MCF2L: variants seen among roughly 807,000 people sequenced by gnomAD.
MCF2L encodes the protein MCF.2 cell line derived transforming sequence like.
In MCF2L, 97 loss-of-function variants were observed where a neutral mutation model predicts 153.4. The observed-to-expected ratio is 0.63, with a 90% CI of 0.54 to 0.75. The LOEUF (loss-of-function observed/expected upper bound fraction) is 0.75. Among genes scored for constraint, MCF2L ranks in the 30% least tolerant of loss-of-function variants. The probability of loss-of-function intolerance (pLI) is 0.00; values close to 1 mark genes in which losing one functional copy is unlikely to be tolerated. For missense variants in MCF2L, 1,347 were observed against 1,495.2 expected (o/e 0.90, Z 1.64); for synonymous variants, 659 against 632.2 (o/e 1.04, Z -0.64).
At chr13:112,972,108 C>T (rs1054759810) in intron 1 of MCF2L, among the ~76,000 whole-genome samples, 2 of 152,236 alleles carry the variant, frequency 1.3e-5, no homozygotes, top group African/African-American at 4.8e-5. Context: ...TGGGGAACTA[C>T]TGTGGTAGAA....
intron 2 of MCF2L, among the ~76,000 whole-genome samples, chr13:112,937,984 GA>G (rs369137492): frequency 1.1e-4 from 1 of 9,170 alleles, no homozygotes; most frequent in Non-Finnish European, 2.4e-4. Context: ...TGGTTCAGGT[GA>G]GCGCTAATTG....
intron 1 of MCF2L, among the ~76,000 whole-genome samples, chr13:112,897,649 A>G (rs1252201427): frequency 6.6e-6 from 1 of 152,248 alleles, no homozygotes; most frequent in Non-Finnish European, 1.5e-5. Flanking sequence ...TCTAGTGAGA[A>G]AGTGATGCTG....
At chr13:113,069,933 G>C in intron 8 of MCF2L, 126 bp from the exon 9 acceptor site, 1 of 592,138 alleles carries the variant, frequency 1.7e-6, no homozygotes, top group South Asian at 1.9e-5. Context: ...GGGAGTGAGC[G>C]GAGGCCAGGA....
At chr13:113,051,836 C>G (rs1367037553) in intron 4 of MCF2L, among the ~76,000 whole-genome samples, 1 of 152,106 alleles carries the variant, frequency 6.6e-6, no homozygotes, top group Non-Finnish European at 1.5e-5. Context: ...GGGCTGCCCC[C>G]GCTGCTTACA....
At chr13:113,006,790 G>A (rs1454059393) in intron 1 of MCF2L, among the ~76,000 whole-genome samples, 2 of 152,344 alleles carry the variant, frequency 1.3e-5, no homozygotes, top group Admixed American at 6.5e-5. Context: ...AGAACGCCCC[G>A]AGCATCTGGC....
intron 1 of MCF2L, among the ~76,000 whole-genome samples, chr13:112,898,926 C>T (rs2081093843): frequency 6.6e-6 from 1 of 152,224 alleles, no homozygotes; most frequent in South Asian, 2.1e-4. Context: ...CACCACCACC[C>T]CATCCCACCA....
chr13:113,062,597 C>T (rs900881453), intron 5 of MCF2L, among the ~76,000 whole-genome samples: 3 of 152,026 alleles, frequency 2.0e-5, no homozygotes, highest in Non-Finnish European at 2.9e-5. Context: ...CAGAAATCAC[C>T]GGCATCTTCA....
At position 113,076,170 on chromosome 13, in the gene MCF2L, C is replaced by T. The variant is rs768808119; in HGVS notation, c.1500+13C>T. The T allele has an allele frequency of 6.2e-6, 10 of 1,600,452 alleles. No individual in the cohort carries two copies. Among genetic ancestry groups the T allele is most frequent in the East Asian group, 4.5e-5 (2 of 44,482 alleles). ...CCAAGATCTCATGGTAACGCTGACT[C>T]GGGCTCTCCATTTGCAGCTTGCTGT... is the stretch of plus-strand genomic sequence containing the variant. On this transcript the variant is annotated intron_variant, in intron 12 of 29. Coordinates refer to ENST00000535094, the MANE Select transcript of MCF2L (RefSeq NM_001112732.3).
In MCF2L at chr13:113,044,831, C is replaced by T. The variant is rs370834916; in HGVS notation, c.279-440C>T. On this transcript the variant is annotated intron_variant, in intron 3 of 29. Coordinates refer to ENST00000535094, the MANE Select transcript of MCF2L (RefSeq NM_001112732.3). ...TCCCAGCACCGTAGCCATGCCACCA[C>T]GAGTGAATCCTTAACGTGGACCAGC... 1.6e-5 allele frequency: 25 copies of T among 1,612,802 alleles called. No homozygotes were observed. The South Asian group carries it at 2.2e-4, about 14-fold the overall frequency.
chr13:112,985,971 A>C (rs2082622267), intron 1 of MCF2L, among the ~76,000 whole-genome samples: 1 of 152,200 alleles, frequency 6.6e-6, no homozygotes, highest in African/African-American at 2.4e-5. Flanking sequence ...TCAGCCGTGC[A>C]GGGAGCTGTG....
At chr13:113,006,626 C>T (rs2141103300) in intron 1 of MCF2L, among the ~76,000 whole-genome samples, 1 of 152,304 alleles carries the variant, frequency 6.6e-6, no homozygotes, top group African/African-American at 2.4e-5. Context: ...GGAGAGCAGG[C>T]GCACCCTGGG....
chr13:112,989,068 C>G lies in MCF2L; in HGVS notation c.79+19610C>G, dbSNP rs79307738. The stretch of plus-strand genomic sequence containing the variant: ...CCCTGAGCAGGACATGGAGCTACCA[C>G]GCCCGAGTCCTCCCTGAGCAGGGGA... On this transcript the variant is annotated intron_variant, in intron 1 of 29. Coordinates refer to ENST00000535094, the MANE Select transcript of MCF2L (RefSeq NM_001112732.3). Among the ~76,000 whole-genome samples the G allele has an allele frequency of 1.9e-4, 10 of 54,052 alleles. 3 individuals carry two copies. The highest frequency in any genetic ancestry group is 1.7e-3 in the South Asian group (2 of 1,164). 35.5% of individuals were successfully genotyped at this position (54,052 alleles called of 152,430 possible).
At position 113,045,172 on chromosome 13, in the gene MCF2L, T is replaced by A. The variant is rs1263602126; in HGVS notation, c.279-99T>A. The A allele has an allele frequency of 7.4e-6, 8 of 1,083,578 alleles. No individual in the cohort carries two copies. The African/African-American group carries it at 9.2e-5, about 13-fold the overall frequency. The allele number at this position is 1,083,578 out of a possible 1,614,324, so 67.1% of individuals were successfully genotyped here. A position where few individuals can be genotyped will look rare whatever the true frequency, so the allele number is the denominator to read the frequency against. On this transcript the variant is annotated intron_variant, in intron 3 of 29. Coordinates refer to ENST00000535094, the MANE Select transcript of MCF2L (RefSeq NM_001112732.3). The surrounding 1 kb of genome is among the most constrained non-coding windows in gnomAD (Gnocchi z 4.2). ...GGTATTGCAGAAATGGCATCATGAA[T>A]ATGGGGGATCGCTCTCCCAAGAGGT... is the stretch of plus-strand genomic sequence containing the variant.
intron 1 of MCF2L, chr13:113,002,005 C>T: frequency 1.9e-6 from 3 of 1,542,764 alleles, no homozygotes; most frequent in Non-Finnish European, 2.6e-6. Flanking sequence ...GCGGGCGGGT[C>T]CTCGCCTCCC....
chr13:112,959,812 C>A (rs2081802018), intron 2 of MCF2L, among the ~76,000 whole-genome samples: 1 of 152,232 alleles, frequency 6.6e-6, no homozygotes, highest in African/African-American at 2.4e-5. Context: ...GTGTCCACAG[C>A]AGCAACGCAC....
At chr13:112,930,634 T>G (rs1272175707) in intron 2 of MCF2L, among the ~76,000 whole-genome samples, 1 of 152,046 alleles carries the variant, frequency 6.6e-6, no homozygotes, top group Non-Finnish European at 1.5e-5. Context: ...CAGCACAGAG[T>G]AAATCTTAAT....
In MCF2L at chr13:112,983,305, A is replaced by G. The variant is rs1322541601; in HGVS notation, c.79+13847A>G. Among the ~76,000 whole-genome samples the G allele has an allele frequency of 6.6e-6, 1 of 152,164 alleles. No homozygotes were observed. Among genetic ancestry groups the G allele is most frequent in the Non-Finnish European group, 1.5e-5 (1 of 68,026 alleles). The stretch of plus-strand genomic sequence containing the variant: ...TCCTAGAAGTTAGTTCTGTGTCGTG[A>G]GAATAAAAAAGTTAACATGTCTTTG... On this transcript the variant is annotated intron_variant, in intron 1 of 29. Coordinates refer to ENST00000535094, the MANE Select transcript of MCF2L (RefSeq NM_001112732.3). This position sits in a 1 kb window ranked among gnomAD's most constrained non-coding sequence, Gnocchi z 4.0.
In MCF2L at chr13:113,074,659, G is replaced by A; in HGVS notation, c.1116+96G>A. 2 of 1,542,988 alleles carry A rather than the reference G, an allele frequency of 1.3e-6. No homozygotes were observed. The highest frequency in any genetic ancestry group is 1.8e-6 in the Non-Finnish European group (2 of 1,134,456). ...CAGGAATGGGCCTCCCGCCTACGGAGAACGGACCCCACAGCCCCCCGGGGA... is the reference window on the plus strand; with the variant it reads ...CAGGAATGGGCCTCCCGCCTACGGAAAACGGACCCCACAGCCCCCCGGGGA... On this transcript the variant is annotated intron_variant, in intron 10 of 29. Coordinates refer to ENST00000535094, the MANE Select transcript of MCF2L (RefSeq NM_001112732.3). The surrounding 1 kb of genome is among the most constrained non-coding windows in gnomAD (Gnocchi z 4.2).
intron 9 of MCF2L, among the ~76,000 whole-genome samples, chr13:113,072,453 T>C (rs2033015370): frequency 6.6e-6 from 1 of 152,234 alleles, no homozygotes; most frequent in Non-Finnish European, 1.5e-5. Flanking sequence ...GTTTAGTTTT[T>C]CACTGTCAGG....
Sources: allele counts gnomAD v4.1 joint callset (sites outside exome capture counted in the v4.1 genomes callset), GRCh38; gene constraint gnomAD v4.1.1; non-coding constraint Gnocchi (gnomAD v3.1); transcripts MANE v1.5; gene names NCBI Gene and HGNC (gene_info 2026-07-23, HGNC 2026-07-21).